The following EDEM3 variants were observed in gnomAD, a reference collection of about 807,000 sequenced individuals.
EDEM3 encodes ER degradation enhancing alpha-mannosidase like protein 3, also known as ER degradation-enhancing alpha-mannosidase-like protein 3.
A neutral mutation model predicts 110.2 loss-of-function variants in EDEM3; 60 were observed. The observed-to-expected ratio is 0.54, with a 90% CI of 0.44 to 0.67. EDEM3 has a LOEUF of 0.67. EDEM3 is among the 30% of genes least tolerant of loss of function. The probability of loss-of-function intolerance (pLI) is 0.00; values close to 1 mark genes in which losing one functional copy is unlikely to be tolerated. For missense variants in EDEM3, 996 were observed against 1,121.0 expected, an observed-to-expected ratio of 0.89 and a Z score of 1.59; for synonymous variants, 352 against 382.9, an observed-to-expected ratio of 0.92 and a Z score of 0.94.
At chr1:184,727,298 T>C (rs952754210) in intron 6 of EDEM3, among the ~76,000 whole-genome samples, 5 of 152,042 alleles carry the variant, frequency 3.3e-5, no homozygotes, top group African/African-American at 1.2e-4. Context: ...TATTACAATA[T>C]GAATCTGGAT....
In EDEM3 at chr1:184,690,250, C is replaced by T. The variant is rs1649001880; in HGVS notation, c.*3813G>A. The T allele has an allele frequency of 2.6e-5, 4 of 152,038 alleles. No individual in the cohort carries two copies. Among genetic ancestry groups the T allele is most frequent in the Admixed American group, 2.6e-4 (4 of 15,258 alleles). 9.4% of individuals were successfully genotyped at this position (152,038 alleles called of 1,614,324 possible). A position where few individuals can be genotyped will look rare whatever the true frequency, so the allele number is the denominator to read the frequency against. ...GCTGGATCATAATTTATACACAATT[C>T]TAGAGTTTTATTCACTTAGCATTAC... is the stretch of plus-strand genomic sequence containing the variant. On this transcript the variant is annotated 3_prime_UTR_variant, in exon 20 of 20. Transcript: ENST00000318130.
At position 184,748,631 on chromosome 1, in the gene EDEM3, G is replaced by A. The variant is rs182152004; in HGVS notation, c.204+916C>T. ...TACAATATAAAAGAGAACGAGGACT[G>A]TCAAATATAAAACATGTTTTAAAAC... On this transcript the variant is annotated intron_variant, in intron 2 of 19. Transcript: ENST00000318130. Among the ~76,000 whole-genome samples the A allele has an allele frequency of 4.6e-5, 7 of 152,214 alleles. No homozygotes were observed. The East Asian group carries it at 9.6e-4, about 21-fold the overall frequency.
At chr1:184,713,328 A>G (rs565436465) in intron 13 of EDEM3, among the ~76,000 whole-genome samples, 2 of 152,326 alleles carry the variant, frequency 1.3e-5, no homozygotes, top group Admixed American at 6.5e-5. Context: ...GGCTATGATT[A>G]TAACATGCTA....
At chr1:184,697,870 T>A (rs967125760) in intron 19 of EDEM3, among the ~76,000 whole-genome samples, 9 of 151,750 alleles carry the variant, frequency 5.9e-5, no homozygotes, top group African/African-American at 2.2e-4. Context: ...AGTGAAAAGA[T>A]GACATGTTGG....
rs1390423382 is a variant in EDEM3, at chr1:184,696,733, T to C, written c.2390-2261A>G. Among the ~76,000 whole-genome samples the C allele has an allele frequency of 2.6e-5, 4 of 152,008 alleles. No homozygotes were observed. In the East Asian group the frequency reaches 7.7e-4, roughly 29 times the overall value. The stretch of plus-strand genomic sequence containing the variant: ...GGTAGCTGGCTACTTACAGCTTATT[T>C]ATCCTAGGTTCCCTAAATTCAAGAG... On this transcript the variant is annotated intron_variant, in intron 19 of 19. Coordinates refer to ENST00000318130, the MANE Select transcript of EDEM3 (RefSeq NM_025191.4).
Position 184,719,022 on chromosome 1 carries a change from G to A in EDEM3, c.1161+140C>T, listed in dbSNP as rs1650717524. The A allele has an allele frequency of 2.0e-5, 9 of 452,404 alleles. 1 individual carries two copies. Among genetic ancestry groups the A allele is most frequent in the Non-Finnish European group, 3.4e-5 (9 of 263,710 alleles). 28.0% of individuals were successfully genotyped at this position (452,404 alleles called of 1,614,324 possible). Reference sequence around the variant, plus strand: ...CAAACCAAAAATAAACTATTTAATAGGAAAAAAATAAAAAGAACCAACAAG... The same window carrying A: ...CAAACCAAAAATAAACTATTTAATAAGAAAAAAATAAAAAGAACCAACAAG... On this transcript the variant is annotated intron_variant, in intron 11 of 19. Transcript: ENST00000318130.
chr1:184,739,192 C>A (rs1345293292), intron 2 of EDEM3, among the ~76,000 whole-genome samples: 1 of 150,462 alleles, frequency 6.6e-6, no homozygotes, highest in Non-Finnish European at 1.5e-5. Flanking sequence ...TTTGCCTATT[C>A]CTACTCCAAA....
intron 9 of EDEM3, among the ~76,000 whole-genome samples, chr1:184,719,974 C>T (rs1011896488): frequency 6.6e-6 from 1 of 152,196 alleles, no homozygotes; most frequent in South Asian, 2.1e-4. Context: ...GATCCCTTCT[C>T]GGCTAACAAT....
At chr1:184,726,570 A>G (rs1651205538) in intron 6 of EDEM3, among the ~76,000 whole-genome samples, 181 bp from the exon 7 acceptor site, 1 of 152,220 alleles carries the variant, frequency 6.6e-6, no homozygotes, top group African/African-American at 2.4e-5. Flanking sequence ...ATATATTCTA[A>G]GCATATAATA....
intron 13 of EDEM3, among the ~76,000 whole-genome samples, chr1:184,714,943 C>G (rs1458067798): frequency 6.6e-6 from 1 of 152,138 alleles, no homozygotes; most frequent in Non-Finnish European, 1.5e-5. Context: ...ATCTAAAGCA[C>G]ATCTAATAAC....
chr1:184,706,151 A>C (rs7523023), intron 18 of EDEM3, among the ~76,000 whole-genome samples: 82,397 of 151,916 alleles, frequency 0.54, 23,061 homozygotes, highest in East Asian at 0.68. Flanking sequence ...AAAAAAAATT[A>C]TACTATTTAA....
intron 7 of EDEM3, among the ~76,000 whole-genome samples, chr1:184,724,072 T>C (rs145339919): frequency 1.7e-3 from 253 of 152,186 alleles, no homozygotes; most frequent in African/African-American, 5.8e-3. Flanking sequence ...AGACTCTGAA[T>C]ACACTATTCA....
chr1:184,740,138 G>T (rs909965485), intron 2 of EDEM3, among the ~76,000 whole-genome samples: 1 of 152,130 alleles, frequency 6.6e-6, no homozygotes, highest in African/African-American at 2.4e-5. Flanking sequence ...GACAGTTTCT[G>T]AAACATTCCT....
chr1:184,698,931 A>T (rs1461000344), intron 19 of EDEM3, among the ~76,000 whole-genome samples: 1 of 151,870 alleles, frequency 6.6e-6, no homozygotes, highest in Non-Finnish European at 1.5e-5. Flanking sequence ...AGAGAACTAC[A>T]AAAAGATAGA....
In EDEM3 at chr1:184,737,670, A is replaced by G. The variant is rs1651910776; in HGVS notation, c.246T>C (p.Cys82=). The change falls in exon 3 of 20, where the codon TGT becomes TGC. Residue 82 remains cysteine, a synonymous_variant. Transcript: ENST00000318130. ...YPADELMPLT[C]RGRVRGQEPS... Reference sequence around the variant, plus strand: ...GCTCTTGGCCTCTAACTCGACCTCTACAGGTTAAAGGCATGAGTTCATCAG... The same window carrying G: ...GCTCTTGGCCTCTAACTCGACCTCTGCAGGTTAAAGGCATGAGTTCATCAG... The G allele has an allele frequency of 1.2e-6, 2 of 1,614,046 alleles. No homozygotes were observed. The highest frequency in any genetic ancestry group is 1.7e-6 in the Non-Finnish European group (2 of 1,179,916).
intron 2 of EDEM3, 22 bp downstream of exon 2, chr1:184,749,525 T>A: frequency 1.3e-6 from 2 of 1,526,746 alleles, no homozygotes; most frequent in South Asian, 1.2e-5. Flanking sequence ...AAATGGTAGG[T>A]AAAGATAAGC....
intron 18 of EDEM3, among the ~76,000 whole-genome samples, chr1:184,705,940 A>G (rs78418493): frequency 0.032 from 4,865 of 152,270 alleles, 264 homozygotes; most frequent in African/African-American, 0.11. Flanking sequence ...GATGATTTAA[A>G]GGTGGTAACT....
intron 19 of EDEM3, among the ~76,000 whole-genome samples, chr1:184,701,706 C>T (rs1649633719): frequency 6.6e-6 from 1 of 151,978 alleles, no homozygotes; most frequent in Non-Finnish European, 1.5e-5. Flanking sequence ...ATCAGGTATA[C>T]AGAGGATTTA....
intron 1 of EDEM3, among the ~76,000 whole-genome samples, chr1:184,751,473 T>C (rs1652763293): frequency 6.6e-6 from 1 of 152,202 alleles, no homozygotes; most frequent in South Asian, 2.1e-4. Context: ...CATGATTGCA[T>C]ACAAGGAGAA....
Sources: gnomAD v4.1 joint callset for allele counts (sites outside exome capture counted in the v4.1 genomes callset) on GRCh38, gnomAD v4.1.1 for gene constraint, MANE v1.5 for transcripts, NCBI Gene and HGNC (gene_info 2026-07-23, HGNC 2026-07-21) for gene names.